The following SFI1 variants were observed in gnomAD, a reference collection of about 807,000 sequenced individuals.
The protein encoded by SFI1 is protein SFI1 homolog.
In SFI1, 195 loss-of-function variants were observed where a neutral mutation model predicts 207.5. That is an observed-to-expected ratio of 0.94 (90% CI 0.84 to 1.06). The LOEUF (loss-of-function observed/expected upper bound fraction) is 1.06. Among genes scored for constraint, SFI1 ranks in the 50% least tolerant of loss-of-function variants. The pLI is 0.00. For synonymous variants in SFI1, 630 were observed against 598.9 expected (o/e 1.05, Z -0.76); for missense variants, 1,634 against 1,588.0 (o/e 1.03, Z -0.49).
intron 10 of SFI1, 120 bp downstream of exon 10, chr22:31,575,512 CTTA>C (rs771694463): frequency 3.4e-5 from 36 of 1,064,710 alleles, no homozygotes; most frequent in Non-Finnish European, 4.3e-5. Context: ...TCAAAACAGC[CTTA>C]TCTCTGTTGA....
intron 4 of SFI1, among the ~76,000 whole-genome samples, chr22:31,536,249 T>C (rs1341349687): frequency 6.6e-6 from 1 of 152,158 alleles, no homozygotes; most frequent in Non-Finnish European, 1.5e-5. Flanking sequence ...ATAAAACTCA[T>C]AGTTTCAGCT....
intron 15 of SFI1, among the ~76,000 whole-genome samples, chr22:31,597,267 C>T (rs1458956831): frequency 1.3e-5 from 2 of 152,180 alleles, no homozygotes; most frequent in African/African-American, 4.8e-5. Context: ...AGAGCTATCA[C>T]TCTGGAGAAA....
At chr22:31,515,208 A>C (rs1299755724) in intron 2 of SFI1, among the ~76,000 whole-genome samples, 2 of 152,096 alleles carry the variant, frequency 1.3e-5, no homozygotes, top group Admixed American at 1.3e-4. Flanking sequence ...CAATTTTGCT[A>C]GATAATGATT....
chr22:31,527,614 G>A (rs1238057729), intron 2 of SFI1, among the ~76,000 whole-genome samples: 1 of 152,048 alleles, frequency 6.6e-6, no homozygotes, highest in Non-Finnish European at 1.5e-5. Context: ...ATTAAACTTT[G>A]TGTGTGTGTT....
At position 31,508,393 on chromosome 22, in the gene SFI1, G is replaced by C; in HGVS notation, c.92+17G>C. ...TGATTCCAGGTGAGTGATGGGACTT[G>C]AGAAAAAAATATAACTGGAATGATG... is the stretch of plus-strand genomic sequence containing the variant. On this transcript the variant is annotated intron_variant, in intron 2 of 32. Coordinates refer to ENST00000400288, the MANE Select transcript of SFI1 (RefSeq NM_001007467.3). 1.3e-6 allele frequency: 2 copies of C among 1,547,218 alleles called. No individual in the cohort carries two copies. Among genetic ancestry groups the C allele is most frequent in the Non-Finnish European group, 1.8e-6 (2 of 1,125,222 alleles).
intron 11 of SFI1, among the ~76,000 whole-genome samples, chr22:31,579,558 G>A (rs567823580): frequency 7.9e-5 from 12 of 152,142 alleles, no homozygotes; most frequent in South Asian, 4.1e-4. Flanking sequence ...CTCGTGATCC[G>A]CCCGCCTCGG....
chr22:31,597,821 A>T (rs1169353648), intron 15 of SFI1, among the ~76,000 whole-genome samples: 1 of 152,192 alleles, frequency 6.6e-6, no homozygotes, highest in Non-Finnish European at 1.5e-5. Context: ...AGATTTTATG[A>T]TGGAATCTCA....
chr22:31,512,245 T>C (rs1252300458), intron 2 of SFI1, among the ~76,000 whole-genome samples: 9 of 151,390 alleles, frequency 5.9e-5, no homozygotes, highest in Non-Finnish European at 7.4e-5. Context: ...ATCCCAGCTA[T>C]TGGGGAGGCT....
rs71679890 is a variant in SFI1 at position 31,575,085 on chromosome 22, CGTGTGTGTGTGTGTGTGTGT to C, written c.923-128_923-109del. On this transcript the variant is annotated intron_variant, in intron 9 of 32. Coordinates refer to ENST00000400288, the MANE Select transcript of SFI1 (RefSeq NM_001007467.3). Reference sequence around the variant, plus strand: ...AAGAAAAAAAAAAAAAAACTTAGTGCGTGTGTGTGTGTGTGTGTGTGTGTGTGTGTGTGTGTGGCCTTGAA... The same window carrying C: ...AAGAAAAAAAAAAAAAAACTTAGTGCGTGTGTGTGTGTGTGTGGCCTTGAA... 1,594 of 283,744 alleles carry C rather than the reference CGTGTGTGTGTGTGTGTGTGT, an allele frequency of 5.6e-3. 9 individuals are homozygous for C. Among genetic ancestry groups the C allele is most frequent in the East Asian group, 0.015 (274 of 18,420 alleles). 17.6% of individuals were successfully genotyped at this position (283,744 alleles called of 1,614,324 possible).
At chr22:31,527,118 A>G (rs1453998825) in intron 2 of SFI1, among the ~76,000 whole-genome samples, 1 of 152,162 alleles carries the variant, frequency 6.6e-6, no homozygotes, top group Non-Finnish European at 1.5e-5. Flanking sequence ...GCTGGTCTCA[A>G]ACTCCTGACC....
At chr22:31,564,308 CAG>C (rs1218885066) in intron 8 of SFI1, among the ~76,000 whole-genome samples, 1 of 134,318 alleles carries the variant, frequency 7.4e-6, no homozygotes, top group African/African-American at 2.8e-5. Flanking sequence ...GCCTGGGCGA[CAG>C]AGCAAGACTC....
At chr22:31,517,933 C>T (rs1301982294) in intron 2 of SFI1, among the ~76,000 whole-genome samples, 1 of 152,112 alleles carries the variant, frequency 6.6e-6, no homozygotes, top group Non-Finnish European at 1.5e-5. Context: ...TCTATGAAAG[C>T]TTCAGAATCA....
In SFI1 at chr22:31,589,590, G is replaced by A; in HGVS notation, c.1544+13G>A. 1 of 1,607,578 alleles carries A rather than the reference G, an allele frequency of 6.2e-7. No homozygotes were observed. The highest frequency in any genetic ancestry group is 1.1e-5 in the South Asian group (1 of 89,880). The stretch of plus-strand genomic sequence containing the variant: ...CACGTTTCCACAGGTATGTTGCGCA[G>A]CTCCTGTCTGCACTGGGGCAGGTGT... On this transcript the variant is annotated intron_variant, in intron 15 of 32. Transcript: ENST00000400288.
At chr22:31,594,471 T>G (rs1168649781) in intron 15 of SFI1, among the ~76,000 whole-genome samples, 1 of 143,738 alleles carries the variant, frequency 7.0e-6, no homozygotes, top group Admixed American at 7.1e-5. Flanking sequence ...TTGCTTGAAC[T>G]TGGGAGATGG....
intron 14 of SFI1, among the ~76,000 whole-genome samples, chr22:31,585,525 G>A (rs2146279965): frequency 6.6e-6 from 1 of 152,322 alleles, no homozygotes; most frequent in South Asian, 2.1e-4. Flanking sequence ...TGTCTCCCGG[G>A]GGTGGAGGAT....
chr22:31,604,785 T>C, intron 19 of SFI1, 84 bp from the exon 20 acceptor site: 1 of 1,264,442 alleles, frequency 7.9e-7, no homozygotes, highest in Non-Finnish European at 1.1e-6. Context: ...ATGGCAGCCT[T>C]GTGGTAGATG....
intron 19 of SFI1, 36 bp from the exon 20 acceptor site, chr22:31,604,832 GC>G: frequency 1.3e-6 from 2 of 1,587,068 alleles, no homozygotes; most frequent in South Asian, 2.2e-5. Context: ...GGAAGTGTGG[GC>G]CCAAGAGCAG....
At chr22:31,596,922 G>T (rs1232642892) in intron 15 of SFI1, among the ~76,000 whole-genome samples, 1 of 148,690 alleles carries the variant, frequency 6.7e-6, no homozygotes, top group Non-Finnish European at 1.5e-5. Context: ...CGCACACACG[G>T]TACCCGTTTC....
chr22:31,578,789 C>T (rs551225248), intron 11 of SFI1, among the ~76,000 whole-genome samples: 25 of 152,178 alleles, frequency 1.6e-4, no homozygotes, highest in African/African-American at 5.1e-4. Context: ...TCAGGGAGTC[C>T]GTCCCTGTTC....
Sources: gnomAD v4.1 joint callset for allele counts (sites outside exome capture counted in the v4.1 genomes callset) on GRCh38, gnomAD v4.1.1 for gene constraint, MANE v1.5 for transcripts, NCBI Gene and HGNC (gene_info 2026-07-23, HGNC 2026-07-21) for gene names.